GRIN1: variants seen among roughly 807,000 people sequenced by gnomAD.
GRIN1 encodes the protein glutamate receptor ionotropic, NMDA 1.
In GRIN1, 38 loss-of-function variants were observed where a neutral mutation model predicts 103.0. The ratio of observed to expected loss-of-function variants is 0.37; its 90% CI spans 0.28 to 0.48. The LOEUF (loss-of-function observed/expected upper bound fraction) is 0.48, where lower values mean the gene tolerates loss of function less well. Ranked by LOEUF, GRIN1 falls within the 20% of genes least tolerant of loss-of-function variation. GRIN1 has a pLI of 0.98. For missense variants in GRIN1, 577 were observed against 1,288.9 expected, an observed-to-expected ratio of 0.45 and a Z score of 8.46; for synonymous variants, 544 against 532.7, an observed-to-expected ratio of 1.02 and a Z score of -0.29.
At chr9:137,149,305 GTCCC>G (rs1832712490) in intron 4 of GRIN1, among the ~76,000 whole-genome samples, 196 bp downstream of exon 4, 1 of 151,016 alleles carries the variant, frequency 6.6e-6, no homozygotes, top group African/African-American at 2.4e-5. Flanking sequence ...CCCTCCATCT[GTCCC>G]TCCCTTCCTG....
At chr9:137,164,960 C>T (rs1042901945) in intron 18 of GRIN1, 3 of 546,670 alleles carry the variant, frequency 5.5e-6, no homozygotes, top group Admixed American at 3.0e-5. Flanking sequence ...AGCCGAGAGC[C>T]CCCAAGCCCA....
chr9:137,157,074 C>G (rs1393837107), intron 6 of GRIN1, 37 bp downstream of exon 6: 2 of 965,198 alleles, frequency 2.1e-6, no homozygotes, highest in Non-Finnish European at 2.8e-6. Flanking sequence ...CGGGGCTGCT[C>G]TTGGGGAGGT....
chr9:137,163,259 C>T lies in GRIN1; in HGVS notation c.2262C>T (p.Phe754=), dbSNP rs1332063889. ...CDLVTTGELF[F]RSGFGIGMRK... ...TGGTGACGACTGGAGAGCTGTTTTT[C>T]CGCTCGGGCTTCGGCATAGGCATGC... Residue 754 remains phenylalanine (F), a synonymous_variant, in exon 16 of 20, where the codon TTC becomes TTT. Transcript: ENST00000371561. 1.2e-6 allele frequency: 2 copies of T among 1,613,804 alleles called. No individual in the cohort carries two copies. Among genetic ancestry groups the T allele is most frequent in the South Asian group, 2.2e-5 (2 of 91,088 alleles).
chr9:137,141,901 C>T (rs1445241041), intron 1 of GRIN1, 112 bp from the exon 2 acceptor site: 2 of 1,152,272 alleles, frequency 1.7e-6, no homozygotes, highest in East Asian at 2.3e-5. Context: ...AATCATGCCC[C>T]CAGCCCCCCT....
At position 137,156,752 on chromosome 9, in the gene GRIN1, G is replaced by T. The variant is rs1295589271; in HGVS notation, c.755G>T (p.Arg252Leu). The T allele has an allele frequency of 1.3e-6, 2 of 1,587,280 alleles. No individual in the cohort carries two copies. The part of the protein sequence containing the change: ...GSGYVWLVGE[R>L]EISGNALRYA... ...GGGTACGTGTGGCTGGTCGGCGAGC[G>T]CGAGATCTCGGGGAACGCCCTGCGC... The change falls in exon 5 of 20, where the codon CGC becomes CTC. Residue 252 changes from arginine to leucine, a missense_variant. Physicochemically the swap from Arg to Leu is moderately radical, Grantham distance 102. This residue lies in a region of GRIN1 where 308 missense variants were observed against 553.6 expected (regional missense o/e 0.56). Transcript: ENST00000371561.
At chr9:137,143,649 C>T (rs28425205) in intron 2 of GRIN1, among the ~76,000 whole-genome samples, 44,105 of 152,186 alleles carry the variant, frequency 0.29, 7,722 homozygotes, top group Non-Finnish European at 0.39. Context: ...AAACATGAAC[C>T]GGCAAGGCCA....
At chr9:137,155,279 C>T (rs1337072731) in intron 4 of GRIN1, among the ~76,000 whole-genome samples, 1 of 152,168 alleles carries the variant, frequency 6.6e-6, no homozygotes, top group Non-Finnish European at 1.5e-5. Context: ...CATGCTGTGC[C>T]ATGACACGTG....
intron 6 of GRIN1, 47 bp downstream of exon 6, chr9:137,157,084 TG>T: frequency 2.8e-6 from 1 of 351,292 alleles, no homozygotes; most frequent in African/African-American, 9.3e-5. Flanking sequence ...CTTGGGGAGG[TG>T]GGCGGGGTCA....
rs1832563336 is a variant in GRIN1, at chr9:137,146,860, G to T, written c.570+958G>T. Among the ~76,000 whole-genome samples the T allele has an allele frequency of 6.6e-6, 1 of 152,096 alleles. No individual in the cohort carries two copies. Among genetic ancestry groups the T allele is most frequent in the South Asian group, 2.1e-4 (1 of 4,832 alleles). On this transcript the variant is annotated intron_variant, in intron 3 of 19. Coordinates refer to ENST00000371561, the MANE Select transcript of GRIN1 (RefSeq NM_007327.4). The surrounding 1 kb of genome is among the most constrained non-coding windows in gnomAD (Gnocchi z 6.7). ...CCCAAGGCACCCCAGGCCCCGGGAGGGACCAGAGGGCATGGGTCGGGGGTA... is the reference window on the plus strand; with the variant it reads ...CCCAAGGCACCCCAGGCCCCGGGAGTGACCAGAGGGCATGGGTCGGGGGTA...
Position 137,168,424 on chromosome 9 carries a change from G to C in GRIN1, c.*897G>C, listed in dbSNP as rs1015136052. Reference sequence around the variant, plus strand: ...GCCTCGGGCCGCCTCCTCCAGACTCGAGAGGGCTGAGCCCCTCCTCTCCTC... The same window carrying C: ...GCCTCGGGCCGCCTCCTCCAGACTCCAGAGGGCTGAGCCCCTCCTCTCCTC... On this transcript the variant is annotated 3_prime_UTR_variant, in exon 20 of 20. Transcript: ENST00000371561. 14 of 192,942 alleles carry C rather than the reference G, an allele frequency of 7.3e-5. No homozygotes were observed. The highest frequency in any genetic ancestry group is 3.1e-4 in the African/African-American group (13 of 42,130). 12.0% of individuals were successfully genotyped at this position (192,942 alleles called of 1,614,324 possible).
Position 137,139,235 on chromosome 9 carries a change from C to T in GRIN1, c.-252C>T. The T allele has an allele frequency of 5.9e-6, 1 of 170,864 alleles. No individual in the cohort carries two copies. Among genetic ancestry groups the T allele is most frequent in the Non-Finnish European group, 1.2e-5 (1 of 80,466 alleles). The allele number at this position is 170,864 out of a possible 1,614,324, so 10.6% of individuals were successfully genotyped here. Reference sequence around the variant, plus strand: ...GCCGCCGGGCCCTTTCCAAGCCGGGCGCTCGGAGCTGTGCCCGGCCCCGCT... The same window carrying T: ...GCCGCCGGGCCCTTTCCAAGCCGGGTGCTCGGAGCTGTGCCCGGCCCCGCT... On this transcript the variant is annotated 5_prime_UTR_variant, in exon 1 of 20. Transcript: ENST00000371561. The surrounding 1 kb of genome is among the most constrained non-coding windows in gnomAD (Gnocchi z 7.7).
chr9:137,167,375 G>C (rs1833938982), intron 19 of GRIN1, 36 bp from the exon 20 acceptor site: 1 of 1,512,216 alleles, frequency 6.6e-7, no homozygotes, highest in African/African-American at 1.4e-5. Context: ...CGGCCGGCGG[G>C]GCCAGCGGGT....
At chr9:137,148,012 T>G in intron 3 of GRIN1, 9 of 470,498 alleles carry the variant, frequency 1.9e-5, no homozygotes, top group Non-Finnish European at 2.3e-5. Context: ...GCCCCGGGCC[T>G]CGGTGTTTGC....
intron 3 of GRIN1, among the ~76,000 whole-genome samples, chr9:137,147,102 A>T (rs1832585826): frequency 2.3e-5 from 2 of 86,160 alleles, no homozygotes; most frequent in African/African-American, 9.0e-5. Flanking sequence ...ACCTTCTGGC[A>T]TGTCCACCCA....
intron 1 of GRIN1, among the ~76,000 whole-genome samples, chr9:137,141,505 G>A (rs982390517): frequency 6.6e-6 from 1 of 152,196 alleles, no homozygotes; most frequent in South Asian, 2.1e-4. Flanking sequence ...CCTGCCCCTG[G>A]AGACACCAGC....
chr9:137,165,017 A>G, intron 18 of GRIN1, 169 bp from the exon 19 acceptor site: 1 of 663,170 alleles, frequency 1.5e-6, no homozygotes, highest in Non-Finnish European at 2.8e-6. Flanking sequence ...GCAGGAGAAG[A>G]GGCCACCCTC....
intron 6 of GRIN1, 64 bp downstream of exon 6, chr9:137,157,101 G>T (rs1833274166): frequency 4.5e-6 from 5 of 1,119,540 alleles, no homozygotes; most frequent in Admixed American, 2.1e-5. Flanking sequence ...GGTCACTCCA[G>T]AGATGGGCGG....
At chr9:137,152,573 G>T (rs561015588) in intron 4 of GRIN1, among the ~76,000 whole-genome samples, 30 of 152,236 alleles carry the variant, frequency 2.0e-4, no homozygotes, top group Admixed American at 1.8e-3. Context: ...GGGAGGGGGC[G>T]TTTTCTCCAC....
intron 4 of GRIN1, among the ~76,000 whole-genome samples, chr9:137,155,324 T>G (rs112416966): frequency 0.02 from 3,105 of 152,342 alleles, 50 homozygotes; most frequent in South Asian, 0.037. Context: ...CTGTGCTGTG[T>G]TCAGTGTGCG....
Sources: gnomAD v4.1 joint callset for allele counts (sites outside exome capture counted in the v4.1 genomes callset) on GRCh38, gnomAD v4.1.1 for gene constraint, gnomAD v4.1.1 regional missense constraint, Gnocchi (gnomAD v3.1) non-coding constraint, MANE v1.5 for transcripts, NCBI Gene and HGNC (gene_info 2026-07-23, HGNC 2026-07-21) for gene names.